RGS7BP: variants seen among roughly 807,000 people sequenced by gnomAD.
RGS7BP encodes the protein regulator of G protein signaling 7-binding protein.
In RGS7BP, 9 loss-of-function variants were observed where a neutral mutation model predicts 31.3. That is an observed-to-expected ratio of 0.29 (90% CI 0.17 to 0.50). RGS7BP has a LOEUF of 0.50. Among genes scored for constraint, RGS7BP ranks in the 20% least tolerant of loss-of-function variants. The pLI is 0.98. For missense variants in RGS7BP, 274 were observed against 322.0 expected (o/e 0.85, Z 1.14); for synonymous variants, 115 against 120.1 (o/e 0.96, Z 0.28).
At chr5:64,603,215 C>A (rs576715927) in intron 5 of RGS7BP, among the ~76,000 whole-genome samples, 2 of 149,688 alleles carry the variant, frequency 1.3e-5, no homozygotes, top group Non-Finnish European at 3.0e-5. Context: ...AGGACAGAGA[C>A]AATTGGATGT....
In RGS7BP at chr5:64,606,291, A is replaced by C. The variant is rs75556893; in HGVS notation, c.683-2870A>C. ...CGTACACATTTTCCTTTGTAAATAC[A>C]ACATTGTGGTAGGTATTTCCTCATG... On this transcript the variant is annotated intron_variant, in intron 5 of 5. Transcript: ENST00000334025. Among the ~76,000 whole-genome samples the C allele has an allele frequency of 3.6e-3, 505 of 141,910 alleles. 1 individual carries two copies. Among genetic ancestry groups the C allele is most frequent in the Non-Finnish European group, 6.5e-3 (429 of 65,588 alleles). 93.1% of individuals were successfully genotyped at this position (141,910 alleles called of 152,430 possible).
At chr5:64,571,456 T>C (rs1742298793) in intron 2 of RGS7BP, among the ~76,000 whole-genome samples, 1 of 152,178 alleles carries the variant, frequency 6.6e-6, no homozygotes, top group African/African-American at 2.4e-5. Flanking sequence ...ATCCAGGTCA[T>C]AGGATGGGTA....
chr5:64,509,969 G>A (rs955684595), intron 2 of RGS7BP, among the ~76,000 whole-genome samples: 2 of 152,162 alleles, frequency 1.3e-5, no homozygotes, highest in African/African-American at 2.4e-5. Flanking sequence ...TCTGGGCTCC[G>A]TTAATGAAGG....
chr5:64,554,830 G>A (rs1415532775), intron 2 of RGS7BP, among the ~76,000 whole-genome samples: 1 of 151,882 alleles, frequency 6.6e-6, no homozygotes, highest in Non-Finnish European at 1.5e-5. Flanking sequence ...TGAGACAAAA[G>A]AGTATGTAAA....
At chr5:64,536,390 T>G (rs1741359660) in intron 2 of RGS7BP, among the ~76,000 whole-genome samples, 1 of 151,846 alleles carries the variant, frequency 6.6e-6, no homozygotes, top group East Asian at 1.9e-4. Context: ...AAAAAGAAAT[T>G]ATGTTAACTA....
intron 3 of RGS7BP, among the ~76,000 whole-genome samples, chr5:64,580,082 T>G (rs546332912): frequency 6.6e-6 from 1 of 152,310 alleles, no homozygotes; most frequent in African/African-American, 2.4e-5. Flanking sequence ...ATAAGAATAC[T>G]TGGTTCCAGT....
chr5:64,540,467 A>G (rs1741500210), intron 2 of RGS7BP, among the ~76,000 whole-genome samples: 2 of 152,160 alleles, frequency 1.3e-5, no homozygotes, highest in Non-Finnish European at 2.9e-5. Context: ...CTATAATAAA[A>G]TCTCCAATCA....
chr5:64,594,475 G>T (rs1464203532), intron 3 of RGS7BP, among the ~76,000 whole-genome samples: 3 of 152,098 alleles, frequency 2.0e-5, no homozygotes, highest in African/African-American at 7.2e-5. Context: ...TTGATCTTTA[G>T]GTTGCATTGA....
At chr5:64,595,391 C>G (rs1477736995) in intron 4 of RGS7BP, among the ~76,000 whole-genome samples, 5 of 152,176 alleles carry the variant, frequency 3.3e-5, no homozygotes, top group Non-Finnish European at 4.4e-5. Context: ...TTCTCTTACT[C>G]TCCACAAGGT....
chr5:64,606,041 G>T (rs2366899), intron 5 of RGS7BP, among the ~76,000 whole-genome samples: 19,228 of 109,282 alleles, frequency 0.18, 2,066 homozygotes, highest in South Asian at 0.27. Context: ...TATATATATA[G>T]AGAGAGAGAG....
chr5:64,558,389 C>A (rs574966128), intron 2 of RGS7BP, among the ~76,000 whole-genome samples: 1 of 152,126 alleles, frequency 6.6e-6, no homozygotes, highest in Non-Finnish European at 1.5e-5. Context: ...GTCTTTACTG[C>A]AATCTCTGAA....
intron 2 of RGS7BP, among the ~76,000 whole-genome samples, chr5:64,542,215 G>A (rs1341205942): frequency 6.6e-6 from 1 of 152,184 alleles, no homozygotes. Flanking sequence ...ATGATACAAA[G>A]GTACTGGCAA....
chr5:64,592,765 A>G (rs1396151493), intron 3 of RGS7BP, among the ~76,000 whole-genome samples: 1 of 152,156 alleles, frequency 6.6e-6, no homozygotes, highest in African/African-American at 2.4e-5. Flanking sequence ...TACTCCATTC[A>G]CCAAGGCATT....
intron 2 of RGS7BP, among the ~76,000 whole-genome samples, chr5:64,542,036 A>G (rs866852044): frequency 1.3e-4 from 20 of 152,158 alleles, no homozygotes; most frequent in Middle Eastern, 3.4e-3. Context: ...ATATTAACGA[A>G]TTTTCACAGC....
chr5:64,606,332 C>T (rs1443246142), intron 5 of RGS7BP, among the ~76,000 whole-genome samples: 1 of 151,210 alleles, frequency 6.6e-6, no homozygotes, highest in Non-Finnish European at 1.5e-5. Flanking sequence ...GGAGCAAACA[C>T]ATCAGAGTTG....
intron 2 of RGS7BP, among the ~76,000 whole-genome samples, chr5:64,569,681 G>A (rs900864981): frequency 6.6e-6 from 1 of 152,132 alleles, no homozygotes; most frequent in Non-Finnish European, 1.5e-5. Context: ...GAAGTCATAT[G>A]AAGACTAAGC....
At position 64,599,901 on chromosome 5, in the gene RGS7BP, A is replaced by G. The variant is rs537387485; in HGVS notation, c.682+1466A>G. 7.2e-5 allele frequency among the ~76,000 whole-genome samples: 11 copies of G among 152,340 alleles called. No homozygotes were observed. The East Asian group carries it at 1.7e-3, about 24-fold the overall frequency. ...ACTTTAGAAGTCTGTTGTGGGGATT[A>G]AATGAAGCAATGTGTCATACACCTA... is the stretch of plus-strand genomic sequence containing the variant. On this transcript the variant is annotated intron_variant, in intron 5 of 5. Transcript: ENST00000334025.
chr5:64,518,017 C>A (rs10075838), intron 2 of RGS7BP, among the ~76,000 whole-genome samples: 1 of 151,990 alleles, frequency 6.6e-6, no homozygotes, highest in Admixed American at 6.5e-5. Flanking sequence ...CTAGAAAATG[C>A]AAGGAAGCAG....
At chr5:64,527,990 GAAAATCTCA>G (rs1749275299) in intron 2 of RGS7BP, among the ~76,000 whole-genome samples, 1 of 152,200 alleles carries the variant, frequency 6.6e-6, no homozygotes, top group South Asian at 2.1e-4. Flanking sequence ...TATAGTTGTA[GAAAATCTCA>G]AAAATAATTA....
Sources: allele counts gnomAD v4.1 joint callset (sites outside exome capture counted in the v4.1 genomes callset), GRCh38; gene constraint gnomAD v4.1.1; transcripts MANE v1.5; gene names NCBI Gene and HGNC (gene_info 2026-07-23, HGNC 2026-07-21).